The following CLYBL variants were observed in gnomAD, a reference collection of about 807,000 sequenced individuals.
The protein encoded by CLYBL is citramalyl-CoA lyase.
A neutral mutation model predicts 38.9 loss-of-function variants in CLYBL; 31 were observed. The observed-to-expected ratio is 0.80, with a 90% CI of 0.60 to 1.08. The LOEUF (loss-of-function observed/expected upper bound fraction) is 1.08. CLYBL is among the 50% of genes least tolerant of loss of function. The probability of loss-of-function intolerance (pLI) is 0.00; values close to 1 mark genes in which losing one functional copy is unlikely to be tolerated. For missense variants in CLYBL, 434 were observed against 411.6 expected, an observed-to-expected ratio of 1.05 and a Z score of -0.47; for synonymous variants, 171 against 158.6, an observed-to-expected ratio of 1.08 and a Z score of -0.59.
intron 1 of CLYBL, among the ~76,000 whole-genome samples, chr13:99,657,499 T>C (rs1451601716): frequency 6.6e-6 from 1 of 152,260 alleles, no homozygotes; most frequent in African/African-American, 2.4e-5. Flanking sequence ...ATAATGTTAT[T>C]CTTTTAAATT....
chr13:99,795,782 T>A (rs1306533864), intron 2 of CLYBL, among the ~76,000 whole-genome samples: 1 of 152,340 alleles, frequency 6.6e-6, no homozygotes, highest in South Asian at 2.1e-4. Context: ...CAAAGACTAT[T>A]CAAGAATTGG....
chr13:99,803,958 C>A (rs966380757), intron 2 of CLYBL, among the ~76,000 whole-genome samples: 1 of 152,024 alleles, frequency 6.6e-6, no homozygotes, highest in South Asian at 2.1e-4. Flanking sequence ...GTCTCGTAGC[C>A]ATGAACTAGA....
intron 7 of CLYBL, among the ~76,000 whole-genome samples, chr13:99,890,031 C>T (rs999564867): frequency 3.3e-5 from 5 of 152,186 alleles, no homozygotes; most frequent in Non-Finnish European, 7.3e-5. Context: ...GGGATATCAT[C>T]GTAAGCAGCA....
chr13:99,740,914 A>T (rs12584833), intron 1 of CLYBL, among the ~76,000 whole-genome samples: 43,017 of 152,088 alleles, frequency 0.28, 7,391 homozygotes, highest in Non-Finnish European at 0.39. Flanking sequence ...GGAAAGCATC[A>T]GGGACAAGGG....
rs151197141 is a variant in CLYBL, at chr13:99,866,476, G to A, written c.802+69G>A. The A allele has an allele frequency of 3.0e-4, 409 of 1,384,612 alleles. 2 individuals are homozygous for A. The East Asian group carries it at 9.2e-3, about 31-fold the overall frequency. The allele number at this position is 1,384,612 out of a possible 1,614,324, so 85.8% of individuals were successfully genotyped here. A position where few individuals can be genotyped will look rare whatever the true frequency, so the allele number is the denominator to read the frequency against. Reference sequence around the variant, plus strand: ...TTCCAGAAAAATAGAAATTTGACCCGAAAACACCCCTAATCTCATCAGATA... The same window carrying A: ...TTCCAGAAAAATAGAAATTTGACCCAAAAACACCCCTAATCTCATCAGATA... On this transcript the variant is annotated intron_variant, in intron 6 of 8. Coordinates refer to ENST00000339105, the MANE Select transcript of CLYBL (RefSeq NM_206808.5).
intron 1 of CLYBL, among the ~76,000 whole-genome samples, chr13:99,730,296 G>A (rs1165087887): frequency 1.3e-5 from 2 of 152,190 alleles, no homozygotes; most frequent in Non-Finnish European, 2.9e-5. Context: ...AACACGTGTG[G>A]CAGAACCAAT....
At position 99,780,713 on chromosome 13, in the gene CLYBL, CTT is replaced by C. The variant is rs11300050; in HGVS notation, c.249+7720_249+7721del. 2.4e-3 allele frequency among the ~76,000 whole-genome samples: 300 copies of C among 124,170 alleles called. 1 individual carries two copies. In the East Asian group the frequency reaches 0.04, roughly 17 times the overall value. 81.5% of individuals were successfully genotyped at this position (124,170 alleles called of 152,430 possible). On this transcript the variant is annotated intron_variant, in intron 2 of 8. Coordinates refer to ENST00000339105, the MANE Select transcript of CLYBL (RefSeq NM_206808.5). ...TTTAACTAGAATGTTAATCCATTGT[CTT>C]TTTTTTTTTTTTTTTTGAAACGTAG...
At chr13:99,751,187 T>C (rs902845739) in intron 1 of CLYBL, among the ~76,000 whole-genome samples, 1 of 152,128 alleles carries the variant, frequency 6.6e-6, no homozygotes, top group African/African-American at 2.4e-5. Flanking sequence ...AAGAACATTC[T>C]GACATACGCT....
rs188383215 is a variant in CLYBL, at chr13:99,818,120, C to A, written c.250-40741C>A. Among the ~76,000 whole-genome samples, 122 of 152,128 alleles carry A rather than the reference C, an allele frequency of 8.0e-4. 2 individuals are homozygous for A. The highest frequency in any genetic ancestry group is 8.0e-3 in the Admixed American group (122 of 15,266). ...GGAAAGACCTGGATTCCAATTCTTG[C>A]CCTATTTCTGATCAGATATGAGAAC... On this transcript the variant is annotated intron_variant, in intron 2 of 8. Transcript: ENST00000339105.
intron 2 of CLYBL, among the ~76,000 whole-genome samples, chr13:99,798,121 T>TTAC (rs1439464330): frequency 1.3e-5 from 2 of 152,164 alleles, no homozygotes; most frequent in Non-Finnish European, 2.9e-5. Context: ...CCCATCTGGC[T>TTAC]TACCATAAGC....
At chr13:99,718,070 G>A (rs1394289070) in intron 1 of CLYBL, among the ~76,000 whole-genome samples, 1 of 151,600 alleles carries the variant, frequency 6.6e-6, no homozygotes, top group African/African-American at 2.4e-5. Flanking sequence ...GTAGAGACAG[G>A]GTCTCCCTAA....
chr13:99,847,959 C>CCTGT (rs201938692), intron 2 of CLYBL, among the ~76,000 whole-genome samples: 2 of 152,084 alleles, frequency 1.3e-5, no homozygotes, highest in Non-Finnish European at 2.9e-5. Flanking sequence ...CCATTGTCTG[C>CCTGT]CTGTCTGTCT....
chr13:99,730,843 G>A (rs572995522), intron 1 of CLYBL, among the ~76,000 whole-genome samples: 1 of 152,256 alleles, frequency 6.6e-6, no homozygotes, highest in South Asian at 2.1e-4. Context: ...AGCACTTTGG[G>A]AGGCCGAGGC....
intron 2 of CLYBL, among the ~76,000 whole-genome samples, chr13:99,821,363 G>A (rs548068241): frequency 1.3e-5 from 2 of 152,344 alleles, no homozygotes; most frequent in African/African-American, 4.8e-5. Flanking sequence ...CTGGCATTTA[G>A]TTGGTTTAAT....
intron 1 of CLYBL, among the ~76,000 whole-genome samples, chr13:99,664,592 G>A (rs1874713190): frequency 6.6e-6 from 1 of 152,110 alleles, no homozygotes; most frequent in African/African-American, 2.4e-5. Context: ...AATGAGTTCT[G>A]CAGGAAGATA....
At chr13:99,720,286 C>T (rs181578587) in intron 1 of CLYBL, among the ~76,000 whole-genome samples, 20 of 152,192 alleles carry the variant, frequency 1.3e-4, no homozygotes, top group South Asian at 2.1e-4. Context: ...CAAAATGCCT[C>T]GGAATATTTT....
At position 99,612,252 on chromosome 13, in the gene CLYBL, C is replaced by T. The variant is rs1361129919; in HGVS notation, c.62+5495C>T. ...CCATCTTTTTGTTTTATCGATTTTTCTCTTTTTTTTGTTTTCTATTTCATT... is the reference window on the plus strand; with the variant it reads ...CCATCTTTTTGTTTTATCGATTTTTTTCTTTTTTTTGTTTTCTATTTCATT... On this transcript the variant is annotated intron_variant, in intron 1 of 8. Transcript: ENST00000339105. Among the ~76,000 whole-genome samples the T allele has an allele frequency of 2.0e-5, 3 of 151,656 alleles. No homozygotes were observed. The East Asian group carries it at 5.8e-4, about 29-fold the overall frequency.
intron 2 of CLYBL, among the ~76,000 whole-genome samples, chr13:99,786,140 C>T (rs539827162): frequency 1.3e-5 from 2 of 150,816 alleles, no homozygotes; most frequent in South Asian, 4.2e-4. Flanking sequence ...TTCTGCCAGA[C>T]CTATTGTTTT....
At chr13:99,632,578 C>A (rs1436436289) in intron 1 of CLYBL, among the ~76,000 whole-genome samples, 2 of 152,068 alleles carry the variant, frequency 1.3e-5, no homozygotes, top group African/African-American at 4.8e-5. Context: ...CCCATCTCTA[C>A]TAAATATACA....
Sources: allele counts gnomAD v4.1 joint callset (sites outside exome capture counted in the v4.1 genomes callset), GRCh38; gene constraint gnomAD v4.1.1; transcripts MANE v1.5; gene names NCBI Gene and HGNC (gene_info 2026-07-23, HGNC 2026-07-21).